Variants in IFT88 observed in about 807,000 individuals in gnomAD.
IFT88 encodes intraflagellar transport 88.
Under a neutral mutation model 119.5 loss-of-function variants are expected in IFT88, and 74 were observed. The observed-to-expected ratio is 0.62, with a 90% CI of 0.51 to 0.75. The LOEUF (loss-of-function observed/expected upper bound fraction) is 0.75, where lower values mean the gene tolerates loss of function less well. Ranked by LOEUF, IFT88 falls within the 30% of genes least tolerant of loss-of-function variation. IFT88 has a pLI of 0.00. For missense variants in IFT88, 961 were observed against 977.7 expected (o/e 0.98, Z 0.23); for synonymous variants, 279 against 316.7 (o/e 0.88, Z 1.26).
chr13:20,567,752 C>A, intron 1 of IFT88: 1 of 1,334,422 alleles, frequency 7.5e-7, no homozygotes, highest in Non-Finnish European at 9.6e-7. Context: ...CGGTACTTAG[C>A]CTCACAAAGA....
At position 20,598,711 on chromosome 13, in the gene IFT88, A is replaced by G. The variant is rs1049692644; in HGVS notation, c.655A>G (p.Thr219Ala). The change falls in exon 10 of 26, where the codon ACT (threonine) becomes GCT (alanine). Residue 219 changes from threonine to alanine, a missense_variant. Physicochemically the swap from Thr to Ala is moderately conservative, Grantham distance 58 (BLOSUM62 0). Coordinates refer to ENST00000351808, the MANE Select transcript of IFT88 (RefSeq NM_006531.5). ...VNEMYAEALNTYQVIVKNKMF... is the reference protein window; with the variant it reads ...VNEMYAEALNAYQVIVKNKMF... ...TGAAATGTATGCCGAAGCACTTAAC[A>G]CTTATCAAGTTATAGTCAAAAATAA... is the stretch of plus-strand genomic sequence containing the variant. 1 of 1,611,056 alleles carries G rather than the reference A, an allele frequency of 6.2e-7. No homozygotes were observed.
chr13:20,589,331 T>A (rs942043392), intron 3 of IFT88, among the ~76,000 whole-genome samples: 1 of 152,180 alleles, frequency 6.6e-6, no homozygotes, highest in Non-Finnish European at 1.5e-5. Context: ...TGCTCCTATT[T>A]GATTCTAACT....
intron 3 of IFT88, among the ~76,000 whole-genome samples, chr13:20,584,409 G>A (rs934550564): frequency 6.6e-6 from 1 of 151,780 alleles, no homozygotes; most frequent in African/African-American, 2.4e-5. Context: ...TTTTTATTAG[G>A]CATCAGAATA....
chr13:20,623,345 A>T (rs1229443131), intron 14 of IFT88, among the ~76,000 whole-genome samples: 2 of 152,200 alleles, frequency 1.3e-5, no homozygotes, highest in Non-Finnish European at 2.9e-5. Flanking sequence ...CTGTATCTGG[A>T]AAAATAAGCC....
chr13:20,604,000 T>A (rs759506596), intron 12 of IFT88, among the ~76,000 whole-genome samples: 1 of 152,098 alleles, frequency 6.6e-6, no homozygotes, highest in Non-Finnish European at 1.5e-5. Flanking sequence ...GGTCAAGGGT[T>A]TAGTGAGTTG....
At chr13:20,663,785 AT>A (rs1434293302) in intron 23 of IFT88, among the ~76,000 whole-genome samples, 181 bp downstream of exon 23, 7 of 152,246 alleles carry the variant, frequency 4.6e-5, no homozygotes, top group Admixed American at 1.3e-4. Context: ...GCAAAAGTGG[AT>A]TCCCAGGGAG....
chr13:20,632,309 G>T (rs1043867470), intron 16 of IFT88, among the ~76,000 whole-genome samples: 4 of 152,028 alleles, frequency 2.6e-5, no homozygotes, highest in Non-Finnish European at 4.4e-5. Flanking sequence ...ATTCTGTCCT[G>T]CATGTAGAAG....
intron 1 of IFT88, chr13:20,567,917 G>A: frequency 4.3e-6 from 3 of 692,590 alleles, no homozygotes; most frequent in Non-Finnish European, 7.8e-6. Flanking sequence ...AGTAGACCAA[G>A]GGTGTCCAAT....
At chr13:20,587,473 G>C (rs573028975) in intron 3 of IFT88, among the ~76,000 whole-genome samples, 4 of 152,216 alleles carry the variant, frequency 2.6e-5, no homozygotes, top group Non-Finnish European at 4.4e-5. Context: ...AGTCAGGCTG[G>C]TCTTGAATTC....
At chr13:20,594,261 T>C (rs1465610977) in intron 7 of IFT88, among the ~76,000 whole-genome samples, 1 of 151,894 alleles carries the variant, frequency 6.6e-6, no homozygotes, top group Non-Finnish European at 1.5e-5. Flanking sequence ...GTGTTGAGAG[T>C]TCAAAATCTC....
chr13:20,678,819 G>A (rs924806737), intron 24 of IFT88, among the ~76,000 whole-genome samples: 3 of 152,134 alleles, frequency 2.0e-5, no homozygotes, highest in Non-Finnish European at 2.9e-5. Flanking sequence ...GCTTTGTCAC[G>A]GTGGGCTACT....
chr13:20,684,322 C>G (rs2141228647), intron 24 of IFT88, among the ~76,000 whole-genome samples: 1 of 152,240 alleles, frequency 6.6e-6, no homozygotes, highest in Non-Finnish European at 1.5e-5. Flanking sequence ...AGAGTCAGGC[C>G]ACTCTTTTTC....
At chr13:20,579,091 G>A (rs971073502) in intron 2 of IFT88, among the ~76,000 whole-genome samples, 11 of 151,956 alleles carry the variant, frequency 7.2e-5, no homozygotes, top group African/African-American at 1.5e-4. Context: ...TTTCTAGTTC[G>A]AGATGCATCA....
chr13:20,632,326 A>G (rs564577197), intron 16 of IFT88, among the ~76,000 whole-genome samples: 52 of 152,264 alleles, frequency 3.4e-4, no homozygotes, highest in African/African-American at 1.0e-3. Flanking sequence ...GAAGAAGCCT[A>G]TAAGAGCTTT....
At chr13:20,614,865 GAGTGC>G (rs1183043364) in intron 13 of IFT88, among the ~76,000 whole-genome samples, 1 of 135,300 alleles carries the variant, frequency 7.4e-6, no homozygotes, top group African/African-American at 2.6e-5. Flanking sequence ...ACCCAGGCTG[GAGTGC>G]AGTGGCCCGA....
rs561403778 is a variant in IFT88, at chr13:20,641,017, C to T, written c.1574-273C>T. ...AAAAAATTAGCTGGGCGTGGTAGCA[C>T]GTGCATATAATCCTAGCTACTTGAG... On this transcript the variant is annotated intron_variant, in intron 17 of 25. Coordinates refer to ENST00000351808, the MANE Select transcript of IFT88 (RefSeq NM_006531.5). Among the ~76,000 whole-genome samples the T allele has an allele frequency of 3.3e-5, 5 of 152,190 alleles. No individual in the cohort carries two copies. The East Asian group carries it at 9.6e-4, about 29-fold the overall frequency.
chr13:20,691,156 A>T lies in IFT88; in HGVS notation c.2456A>T (p.Asp819Val), dbSNP rs570887983. Residue 819 changes from aspartate (D) to valine (V), a missense_variant, in exon 26 of 26, where the codon GAT (aspartate) becomes GTT (valine). Transcript: ENST00000351808. The part of the protein sequence containing the change: ...EDDFADEELG[D>V]DLLPE ...GATTTTGCTGATGAAGAATTAGGAG[A>T]TGATTTGCTTCCAGAATAATATTCA... 4 of 1,613,392 alleles carry T rather than the reference A, an allele frequency of 2.5e-6. No homozygotes were observed. The African/African-American group carries it at 4.0e-5, about 16-fold the overall frequency.
intron 7 of IFT88, among the ~76,000 whole-genome samples, chr13:20,595,804 C>T (rs1400765914): frequency 6.6e-6 from 1 of 152,012 alleles, no homozygotes; most frequent in African/African-American, 2.4e-5. Flanking sequence ...CTTTGGGAGG[C>T]TGAGGAGGGA....
chr13:20,597,754 AATAT>A (rs1238744164), intron 9 of IFT88, among the ~76,000 whole-genome samples: 19 of 142,594 alleles, frequency 1.3e-4, no homozygotes, highest in Non-Finnish European at 1.1e-4. Context: ...TCAAAAAAAA[AATAT>A]ATATATATAT....
Sources: gnomAD v4.1 joint callset for allele counts (sites outside exome capture counted in the v4.1 genomes callset) on GRCh38, gnomAD v4.1.1 for gene constraint, MANE v1.5 for transcripts, NCBI Gene and HGNC (gene_info 2026-07-23, HGNC 2026-07-21) for gene names.